Variants in HPSE2 observed in about 807,000 individuals in gnomAD.
HPSE2 encodes heparanase 2 (inactive).
In HPSE2, 38 loss-of-function variants were observed where a neutral mutation model predicts 60.5. The ratio of observed to expected loss-of-function variants is 0.63; its 90% CI spans 0.48 to 0.82. The LOEUF is 0.82. Ranked by LOEUF, HPSE2 falls within the 40% of genes least tolerant of loss-of-function variation. The pLI is 0.00. For missense variants in HPSE2, 713 were observed against 740.4 expected (o/e 0.96, Z 0.43); for synonymous variants, 295 against 293.2 (o/e 1.01, Z -0.06).
At chr10:98,698,670 A>G (rs914643559) in intron 5 of HPSE2, among the ~76,000 whole-genome samples, 1 of 152,180 alleles carries the variant, frequency 6.6e-6, no homozygotes, top group African/African-American at 2.4e-5. Flanking sequence ...TAGAGACACA[A>G]AAAACCCTTC....
At chr10:98,518,793 G>A (rs772392836) in intron 9 of HPSE2, among the ~76,000 whole-genome samples, 8 of 152,010 alleles carry the variant, frequency 5.3e-5, no homozygotes, top group East Asian at 3.9e-4. Context: ...CAAAGAGATC[G>A]GCCCAGTTCC....
At chr10:98,519,483 A>G (rs1230711101) in intron 9 of HPSE2, among the ~76,000 whole-genome samples, 1 of 152,226 alleles carries the variant, frequency 6.6e-6, no homozygotes, top group Non-Finnish European at 1.5e-5. Context: ...GCTTTCCTGC[A>G]CCAAAAGTAT....
intron 9 of HPSE2, among the ~76,000 whole-genome samples, chr10:98,537,372 G>T (rs1480467494): frequency 6.6e-6 from 1 of 152,148 alleles, no homozygotes; most frequent in Non-Finnish European, 1.5e-5. Flanking sequence ...AGGTGCTGAG[G>T]CAAGAGACTG....
chr10:99,143,365 T>G (rs1200269113), intron 3 of HPSE2, among the ~76,000 whole-genome samples: 1 of 152,086 alleles, frequency 6.6e-6, no homozygotes, highest in Admixed American at 6.5e-5. Flanking sequence ...AAAGTTAAAG[T>G]TTTCCTAACT....
At chr10:99,119,613 A>T (rs558521676) in intron 3 of HPSE2, among the ~76,000 whole-genome samples, 19 of 152,316 alleles carry the variant, frequency 1.2e-4, no homozygotes, top group African/African-American at 4.3e-4. Flanking sequence ...ATGGAAGCAA[A>T]AAAGAGCCCA....
chr10:98,477,941 G>A (rs1219091312), intron 11 of HPSE2, among the ~76,000 whole-genome samples: 3 of 152,192 alleles, frequency 2.0e-5, no homozygotes, highest in Non-Finnish European at 4.4e-5. Context: ...CACTCCTTAT[G>A]AGAATCTAAT....
intron 3 of HPSE2, among the ~76,000 whole-genome samples, chr10:98,947,582 T>C (rs914499215): frequency 1.3e-5 from 2 of 152,082 alleles, no homozygotes; most frequent in Admixed American, 1.3e-4. Context: ...TGCAGACAAG[T>C]GCCATATTCT....
At chr10:99,138,208 T>C (rs898095209) in intron 3 of HPSE2, among the ~76,000 whole-genome samples, 8 of 152,272 alleles carry the variant, frequency 5.3e-5, no homozygotes, top group Admixed American at 1.3e-4. Flanking sequence ...CTCACGCCAG[T>C]TAGAATGGTG....
the HPSE2 span, among the ~76,000 whole-genome samples, chr10:99,269,582 A>G: frequency 1.5e-4 from 23 of 152,330 alleles, no homozygotes; most frequent in Non-Finnish European, 2.5e-4. Flanking sequence ...CAATGGATTT[A>G]AACTATACCC....
intron 3 of HPSE2, among the ~76,000 whole-genome samples, chr10:98,780,133 TAGAA>T (rs1382685028): frequency 6.6e-6 from 1 of 152,050 alleles, no homozygotes; most frequent in Non-Finnish European, 1.5e-5. Flanking sequence ...AAGGCAGAAT[TAGAA>T]AGGAGGTTCT....
the HPSE2 span, among the ~76,000 whole-genome samples, chr10:99,272,058 G>A: frequency 1.3e-5 from 2 of 152,160 alleles, no homozygotes; most frequent in East Asian, 3.9e-4. Context: ...GGATCACGAA[G>A]TCAGGAGTTC....
intron 7 of HPSE2, among the ~76,000 whole-genome samples, chr10:98,637,330 G>A (rs1946524314): frequency 6.6e-6 from 1 of 152,138 alleles, no homozygotes. Flanking sequence ...TCAAAAAAAA[G>A]AGGAAAGAGG....
chr10:99,175,674 AG>A (rs1847496923), intron 2 of HPSE2, among the ~76,000 whole-genome samples: 1 of 152,332 alleles, frequency 6.6e-6, no homozygotes, highest in South Asian at 2.1e-4. Flanking sequence ...ACCTGGGAGA[AG>A]GGGCAGCTGC....
intron 3 of HPSE2, among the ~76,000 whole-genome samples, chr10:98,915,441 C>G (rs1954093260): frequency 1.3e-5 from 2 of 151,976 alleles, no homozygotes; most frequent in African/African-American, 4.8e-5. Flanking sequence ...GCCACCGCGC[C>G]CAGCCCAATT....
intron 3 of HPSE2, among the ~76,000 whole-genome samples, chr10:98,747,949 T>G (rs1949666473): frequency 6.6e-6 from 1 of 152,156 alleles, no homozygotes; most frequent in South Asian, 2.1e-4. Context: ...TCCTTTGTGT[T>G]GCATAAAAGT....
At chr10:99,028,448 A>G (rs1030191320) in intron 3 of HPSE2, among the ~76,000 whole-genome samples, 2 of 152,206 alleles carry the variant, frequency 1.3e-5, no homozygotes, top group African/African-American at 4.8e-5. Flanking sequence ...GATAAATGTA[A>G]TAAAAATTAC....
At chr10:98,979,959 C>A (rs530294677) in intron 3 of HPSE2, among the ~76,000 whole-genome samples, 1 of 152,242 alleles carries the variant, frequency 6.6e-6, no homozygotes, top group East Asian at 1.9e-4. Flanking sequence ...AGTGGATATC[C>A]ATTTTTGTAT....
chr10:98,911,991 G>A (rs936155321), intron 3 of HPSE2, among the ~76,000 whole-genome samples: 4 of 152,052 alleles, frequency 2.6e-5, no homozygotes, highest in Non-Finnish European at 5.9e-5. Flanking sequence ...GAATTGTTAC[G>A]ATAATTAAAT....
intron 3 of HPSE2, among the ~76,000 whole-genome samples, chr10:98,761,986 C>G (rs1340609821): frequency 6.6e-6 from 1 of 151,218 alleles, no homozygotes; most frequent in East Asian, 2.0e-4. Flanking sequence ...CTCCCCTCCC[C>G]TCCTCTCCCC....
Sources: gnomAD v4.1 joint callset for allele counts (sites outside exome capture counted in the v4.1 genomes callset) on GRCh38, gnomAD v4.1.1 for gene constraint, MANE v1.5 for transcripts, NCBI Gene and HGNC (gene_info 2026-07-23, HGNC 2026-07-21) for gene names.